The following PRKN variants were observed in gnomAD, a reference collection of about 807,000 sequenced individuals.
PRKN encodes the protein E3 ubiquitin-protein ligase parkin.
In PRKN, 56 loss-of-function variants were observed where a neutral mutation model predicts 59.5. The observed-to-expected ratio is 0.94, with a 90% confidence interval of 0.76 to 1.18. PRKN has a LOEUF of 1.18. PRKN is among the 50% of genes most tolerant of loss of function. The pLI, the probability that PRKN is intolerant of heterozygous loss-of-function variation, is 0.00. For synonymous variants in PRKN, 250 were observed against 222.1 expected, an observed-to-expected ratio of 1.13 and a Z score of -1.12; for missense variants, 657 against 596.4, an observed-to-expected ratio of 1.10 and a Z score of -1.06.
intron 2 of PRKN, among the ~76,000 whole-genome samples, chr6:162,312,700 T>G (rs770056346): frequency 2.0e-5 from 3 of 152,134 alleles, no homozygotes; most frequent in Non-Finnish European, 4.4e-5. Context: ...CCTGATCTTG[T>G]AGAGGTCATA....
At chr6:162,283,989 A>G (rs1222816073) in intron 2 of PRKN, among the ~76,000 whole-genome samples, 1 of 152,182 alleles carries the variant, frequency 6.6e-6, no homozygotes, top group Non-Finnish European at 1.5e-5. Flanking sequence ...TATAATTCAC[A>G]AAAATTAAAA....
intron 1 of PRKN, among the ~76,000 whole-genome samples, chr6:162,563,033 T>C (rs747418487): frequency 6.6e-6 from 1 of 152,192 alleles, no homozygotes; most frequent in African/African-American, 2.4e-5. Context: ...CCGGGCGCAG[T>C]GGCTCACGCC....
chr6:162,340,717 G>T (rs996107086), intron 2 of PRKN, among the ~76,000 whole-genome samples: 1 of 152,146 alleles, frequency 6.6e-6, no homozygotes, highest in African/African-American at 2.4e-5. Flanking sequence ...GGGAAAACTG[G>T]CTAGCCATAT....
At chr6:161,784,151 C>T (rs1366798480) in intron 7 of PRKN, among the ~76,000 whole-genome samples, 7 of 152,042 alleles carry the variant, frequency 4.6e-5, no homozygotes, top group Non-Finnish European at 1.0e-4. Flanking sequence ...CATAAATTAC[C>T]TCAAACTAGA....
chr6:162,558,113 T>C (rs2128205594), intron 1 of PRKN, among the ~76,000 whole-genome samples: 1 of 152,262 alleles, frequency 6.6e-6, no homozygotes, highest in East Asian at 1.9e-4. Flanking sequence ...GGCTGCTCCT[T>C]ACGACAAAGG....
Position 161,588,849 on chromosome 6 carries a change from C to A in PRKN, c.872-19433G>T, listed in dbSNP as rs144262524. 1.2e-4 allele frequency among the ~76,000 whole-genome samples: 19 copies of A among 152,234 alleles called. No individual in the cohort carries two copies. The East Asian group carries it at 3.7e-3, about 29-fold the overall frequency. ...ATTTAGCAAATAAAAATACAGGACACCCAGTTAAATTTGAGTTTCAGTAAA... is the reference window on the plus strand; with the variant it reads ...ATTTAGCAAATAAAAATACAGGACAACCAGTTAAATTTGAGTTTCAGTAAA... On this transcript the variant is annotated intron_variant, in intron 7 of 11. Coordinates refer to ENST00000366898, the MANE Select transcript of PRKN (RefSeq NM_004562.3). The surrounding 1 kb of genome is among the most constrained non-coding windows in gnomAD (Gnocchi z 5.0).
chr6:161,732,091 A>ATTTT (rs397888692), intron 7 of PRKN, among the ~76,000 whole-genome samples: 36 of 142,250 alleles, frequency 2.5e-4, no homozygotes, highest in African/African-American at 9.2e-4. Flanking sequence ...TTCTTGTTCT[A>ATTTT]TTTTTTTTTT....
intron 1 of PRKN, among the ~76,000 whole-genome samples, chr6:162,670,267 A>T (rs1779270956): frequency 6.6e-6 from 1 of 152,234 alleles, no homozygotes; most frequent in Admixed American, 6.5e-5. Context: ...CTAAGAACGA[A>T]AAAAATCTTT....
chr6:161,907,684 G>T (rs1005725177), intron 6 of PRKN, among the ~76,000 whole-genome samples: 1 of 152,168 alleles, frequency 6.6e-6, no homozygotes, highest in Non-Finnish European at 1.5e-5. Context: ...CGTGAGCCAG[G>T]ATGGTCTGTA....
At chr6:162,400,950 CAATTCTTG>C (rs983070520) in intron 2 of PRKN, among the ~76,000 whole-genome samples, 1 of 151,922 alleles carries the variant, frequency 6.6e-6, no homozygotes, top group African/African-American at 2.4e-5. Flanking sequence ...TTATTTTAAG[CAATTCTTG>C]AATAAAATAG....
intron 2 of PRKN, among the ~76,000 whole-genome samples, chr6:162,382,282 C>A (rs901587346): frequency 2.0e-4 from 31 of 152,006 alleles, no homozygotes; most frequent in African/African-American, 7.0e-4. Context: ...AAATGGAAAT[C>A]CAATTAAATA....
At chr6:162,659,187 C>A (rs756660255) in intron 1 of PRKN, among the ~76,000 whole-genome samples, 3 of 152,116 alleles carry the variant, frequency 2.0e-5, no homozygotes, top group Non-Finnish European at 4.4e-5. Flanking sequence ...ATTCTAAATA[C>A]AATTCATTTC....
rs535529725 is a variant in PRKN at position 161,361,992 on chromosome 6, C to T, written c.1168-1787G>A. On this transcript the variant is annotated intron_variant, in intron 10 of 11. Transcript: ENST00000366898. The surrounding 1 kb of genome is among the most constrained non-coding windows in gnomAD (Gnocchi z 5.2). ...ATCCCCCCACCGACCTGCACCCCAA[C>T]GCCACCCCGGCCTCATGTTCCACGC... 1.1e-4 allele frequency among the ~76,000 whole-genome samples: 16 copies of T among 152,260 alleles called. No homozygotes were observed. The highest frequency in any genetic ancestry group is 3.4e-3 in the Middle Eastern group (1 of 294).
At chr6:161,711,729 G>C (rs1360897281) in intron 7 of PRKN, among the ~76,000 whole-genome samples, 1 of 152,186 alleles carries the variant, frequency 6.6e-6, no homozygotes, top group Non-Finnish European at 1.5e-5. Flanking sequence ...TGCCAGCACA[G>C]CTAGAATAAG....
chr6:161,366,391 G>C (rs1189933777), intron 10 of PRKN, among the ~76,000 whole-genome samples: 4 of 152,312 alleles, frequency 2.6e-5, no homozygotes, highest in East Asian at 1.9e-4. Context: ...CCCCCTCATG[G>C]AGATGCCCAC....
intron 4 of PRKN, among the ~76,000 whole-genome samples, chr6:162,112,642 G>A (rs548589283): frequency 5.3e-5 from 8 of 152,136 alleles, no homozygotes; most frequent in South Asian, 2.1e-4. Flanking sequence ...TAGGCCGGGC[G>A]CAGTGGCTCA....
chr6:161,627,640 T>C (rs754396188), intron 7 of PRKN, among the ~76,000 whole-genome samples: 2 of 152,172 alleles, frequency 1.3e-5, no homozygotes, highest in Non-Finnish European at 2.9e-5. Flanking sequence ...TTGGGGAGAA[T>C]GAGTGGTGTT....
In PRKN at chr6:162,387,549, CACACACAGAGAGAGAG is replaced by C. The variant is rs1344868035; in HGVS notation, c.171+55745_171+55760del. ...TCCTCACAACACACACACACACACA[CACACACAGAGAGAGAG>C]AGAGAGAGAGAGAGAGAGAGAGAGA... is the stretch of plus-strand genomic sequence containing the variant. On this transcript the variant is annotated intron_variant, in intron 2 of 11. Coordinates refer to ENST00000366898, the MANE Select transcript of PRKN (RefSeq NM_004562.3). 1.3e-3 allele frequency among the ~76,000 whole-genome samples: 98 copies of C among 75,450 alleles called. 2 individuals carry two copies. The highest frequency in any genetic ancestry group is 5.8e-3 in the African/African-American group (96 of 16,608). The allele number at this position is 75,450 out of a possible 152,430, so 49.5% of individuals were successfully genotyped here.
intron 7 of PRKN, among the ~76,000 whole-genome samples, chr6:161,738,398 T>C (rs1015487031): frequency 6.6e-6 from 1 of 152,204 alleles, no homozygotes; most frequent in Admixed American, 6.5e-5. Flanking sequence ...TCACATTTCA[T>C]GTCCTCTATC....
Sources: gnomAD v4.1 joint callset for allele counts (sites outside exome capture counted in the v4.1 genomes callset) on GRCh38, gnomAD v4.1.1 for gene constraint, Gnocchi (gnomAD v3.1) non-coding constraint, MANE v1.5 for transcripts, NCBI Gene and HGNC (gene_info 2026-07-23, HGNC 2026-07-21) for gene names.